TDRD6: variants seen among roughly 807,000 people sequenced by gnomAD.
The protein encoded by TDRD6 is tudor domain containing 6, also known as tudor domain-containing protein 6.
TDRD6 carries 186 observed loss-of-function variants against 157.5 expected under a neutral mutation model. That is an observed-to-expected ratio of 1.18 (90% CI 1.05 to 1.33). TDRD6 has a LOEUF of 1.33. Among genes scored for constraint, TDRD6 ranks in the 40% most tolerant of loss-of-function variants. TDRD6 has a pLI of 0.00. For synonymous variants in TDRD6, 1,075 were observed against 945.2 expected (o/e 1.14, Z -2.52); for missense variants, 3,066 against 2,508.0 (o/e 1.22, Z -4.75).
intron 2 of TDRD6, among the ~76,000 whole-genome samples, chr6:46,696,378 A>G (rs1352558285): frequency 6.7e-6 from 1 of 149,956 alleles, no homozygotes; most frequent in Non-Finnish European, 1.5e-5. Context: ...TTATTGTGTA[A>G]AACTTATTAG....
chr6:46,691,913 C>A lies in TDRD6; in HGVS notation c.3785C>A (p.Ser1262Tyr). Reference sequence around the variant, plus strand: ...ACAACAGAAAAGAAAGAAGAAATTTCTGCTGAGACACCCTTGAAAACAGCA... The same window carrying A: ...ACAACAGAAAAGAAAGAAGAAATTTATGCTGAGACACCCTTGAAAACAGCA... ...PLTTEKKEEI[S>Y]AETPLKTARV... Residue 1262 changes from serine to tyrosine, a missense_variant, in exon 1 of 4, where the codon TCT becomes TAT. Ser to Tyr is a moderately radical substitution (Grantham distance 144). Coordinates refer to ENST00000316081, the MANE Select transcript of TDRD6 (RefSeq NM_001010870.3). 6.3e-7 allele frequency: 1 copy of A among 1,595,186 alleles called. No individual in the cohort carries two copies. Among genetic ancestry groups the A allele is most frequent in the South Asian group, 1.1e-5 (1 of 87,256 alleles).
chr6:46,684,827 G>T (rs1582533709), upstream of TDRD6, among the ~76,000 whole-genome samples: 1 of 152,100 alleles, frequency 6.6e-6, no homozygotes, highest in South Asian at 2.1e-4. Flanking sequence ...CTTTCTTTGG[G>T]ATAAATGCCT....
At position 46,692,065 on chromosome 6, in the gene TDRD6, C is replaced by G. The variant is rs777446297; in HGVS notation, c.3937C>G (p.His1313Asp). 3 of 1,612,574 alleles carry G rather than the reference C, an allele frequency of 1.9e-6. No individual in the cohort carries two copies. In the Admixed American group the frequency reaches 5.0e-5, roughly 27 times the overall value. Reference sequence around the variant, plus strand: ...ATTTAAAACAACTGTATATGTTTCTCATATAAATGACCTTTCAGACTTTTA... The same window carrying G: ...ATTTAAAACAACTGTATATGTTTCTGATATAAATGACCTTTCAGACTTTTA... ...PGFKTTVYVS[H>D]INDLSDFYVQ... The change falls in exon 1 of 4, where the codon CAT (histidine) becomes GAT (aspartate). Residue 1313 changes from histidine (H) to aspartate (D), a missense_variant. Transcript: ENST00000316081.
chr6:46,696,492 A>G (rs12176055), intron 2 of TDRD6, among the ~76,000 whole-genome samples: 1 of 126,964 alleles, frequency 7.9e-6, no homozygotes, highest in African/African-American at 3.0e-5. Flanking sequence ...ATATATATAT[A>G]TGTATATGTA....
rs764267341 is a variant in TDRD6, at chr6:46,693,424, A to G, written c.5296A>G (p.Ser1766Gly). The G allele has an allele frequency of 3.1e-6, 5 of 1,614,000 alleles. No individual in the cohort carries two copies. Among genetic ancestry groups the G allele is most frequent in the Non-Finnish European group, 4.2e-6 (5 of 1,180,024 alleles). ...KDVNIIGTKP[S>G]NFRDPKTDNI... ...TGTAAACATTATTGGAACCAAACCA[A>G]GTAACTTCCGTGACCCTAAAACTGA... is the stretch of plus-strand genomic sequence containing the variant. The change falls in exon 1 of 4, where the codon AGT becomes GGT. Residue 1766 changes from serine to glycine, a missense_variant. By Grantham distance (56) the Ser-to-Gly change is moderately conservative (BLOSUM62 0). Coordinates refer to ENST00000316081, the MANE Select transcript of TDRD6 (RefSeq NM_001010870.3).
rs915113482 is a variant in TDRD6 at position 46,688,053 on chromosome 6, G to A, written c.-76G>A. 9 of 1,397,070 alleles carry A rather than the reference G, an allele frequency of 6.4e-6. No homozygotes were observed. The highest frequency in any genetic ancestry group is 8.3e-6 in the Non-Finnish European group (9 of 1,083,994). The allele number at this position is 1,397,070 out of a possible 1,614,324, so 86.5% of individuals were successfully genotyped here. A position where few individuals can be genotyped will look rare whatever the true frequency, so the allele number is the denominator to read the frequency against. ...CTAGTTTGGCTGGGACTCGCCTTCA[G>A]GCGGCGCGGAGGATTTCGAGGCCCT... On this transcript the variant is annotated 5_prime_UTR_variant, in exon 1 of 4. Coordinates refer to ENST00000316081, the MANE Select transcript of TDRD6 (RefSeq NM_001010870.3).
At position 46,688,312 on chromosome 6, in the gene TDRD6, C is replaced by G; in HGVS notation, c.184C>G (p.Leu62Val). The G allele has an allele frequency of 6.6e-7, 1 of 1,515,534 alleles. No individual in the cohort carries two copies. Among genetic ancestry groups the G allele is most frequent in the Non-Finnish European group, 8.8e-7 (1 of 1,137,782 alleles). The allele number at this position is 1,515,534 out of a possible 1,614,324, so 93.9% of individuals were successfully genotyped here. A position where few individuals can be genotyped will look rare whatever the true frequency, so the allele number is the denominator to read the frequency against. Residue 62 changes from leucine (L) to valine (V), a missense_variant, in exon 1 of 4, where the codon CTG (leucine) becomes GTG (valine). Transcript: ENST00000316081. ...GGCGGCCACGCGCGGCCAGTGGGCG[C>G]TGGGCAGCGCCTCGGCCTCGCCCGG... ...EAAATRGQWA[L>V]GSASASPGEL...
chr6:46,690,637 CTTA>C lies in TDRD6; in HGVS notation c.2513_2515del (p.Ile838del). ...AGTAAACAGACAGTGGTCCAGAGCA[CTTA>C]TTAGTGGGATACAGTCTGTGGAGCA... is the stretch of plus-strand genomic sequence containing the variant. On this transcript the variant is annotated inframe_deletion, in exon 1 of 4. Coordinates refer to ENST00000316081, the MANE Select transcript of TDRD6 (RefSeq NM_001010870.3). 6.2e-7 allele frequency: 1 copy of C among 1,614,140 alleles called. No homozygotes were observed. Among genetic ancestry groups the C allele is most frequent in the Non-Finnish European group, 8.5e-7 (1 of 1,180,026 alleles).
At position 46,688,665 on chromosome 6, in the gene TDRD6, G is replaced by C. The variant is rs1308117520; in HGVS notation, c.537G>C (p.Leu179=). The C allele has an allele frequency of 6.3e-7, 1 of 1,599,822 alleles. No homozygotes were observed. Among genetic ancestry groups the C allele is most frequent in the South Asian group, 1.1e-5 (1 of 91,078 alleles). Residue 179 remains leucine (L), a synonymous_variant, in exon 1 of 4, where the codon CTG becomes CTC. Transcript: ENST00000316081. ...CVLDVLLLHR[L]VLLEVPDVFQ... ...TGGACGTGCTGCTGCTCCATCGCCT[G>C]GTCCTCCTGGAGGTGCCTGATGTGT...
At position 46,691,907 on chromosome 6, in the gene TDRD6, A is replaced by G. The variant is rs1420811295; in HGVS notation, c.3779A>G (p.Glu1260Gly). The part of the protein sequence containing the change: ...VFPLTTEKKE[E>G]ISAETPLKTA... ...CCATTAACAACAGAAAAGAAAGAAGAAATTTCTGCTGAGACACCCTTGAAA... is the reference window on the plus strand; with the variant it reads ...CCATTAACAACAGAAAAGAAAGAAGGAATTTCTGCTGAGACACCCTTGAAA... The change falls in exon 1 of 4, where the codon GAA becomes GGA. Residue 1260 changes from glutamate (E) to glycine (G), a missense_variant. Coordinates refer to ENST00000316081, the MANE Select transcript of TDRD6 (RefSeq NM_001010870.3). 1 of 1,594,970 alleles carries G rather than the reference A, an allele frequency of 6.3e-7. No individual in the cohort carries two copies. The highest frequency in any genetic ancestry group is 8.5e-7 in the Non-Finnish European group (1 of 1,174,864).
upstream of TDRD6, among the ~76,000 whole-genome samples, chr6:46,684,108 T>G (rs1237043771): frequency 6.6e-6 from 1 of 152,164 alleles, no homozygotes; most frequent in African/African-American, 2.4e-5. Flanking sequence ...GACTATGCTC[T>G]CTCTACTCTC....
chr6:46,688,994 G>T lies in TDRD6; in HGVS notation c.866G>T (p.Gly289Val), dbSNP rs752265968. ...LSESMAQVYR[G>V]STGTGDENST... Reference sequence around the variant, plus strand: ...GAGAGCATGGCCCAGGTATACCGGGGTTCCACGGGGACAGGGGATGAGAAC... The same window carrying T: ...GAGAGCATGGCCCAGGTATACCGGGTTTCCACGGGGACAGGGGATGAGAAC... Residue 289 changes from glycine to valine, a missense_variant, in exon 1 of 4, where the codon GGT becomes GTT. Transcript: ENST00000316081. 1.9e-6 allele frequency: 3 copies of T among 1,613,682 alleles called. No individual in the cohort carries two copies. In the Admixed American group the frequency reaches 5.0e-5, roughly 27 times the overall value.
chr6:46,687,864 G>A (rs983961909), upstream of TDRD6: 4 of 440,120 alleles, frequency 9.1e-6, no homozygotes, highest in East Asian at 4.4e-5. Context: ...CGGAAGTGGC[G>A]GCGCCGAGTG....
At position 46,690,809 on chromosome 6, in the gene TDRD6, A is replaced by T; in HGVS notation, c.2681A>T (p.Asn894Ile). Residue 894 changes from asparagine to isoleucine, a missense_variant, in exon 1 of 4, where the codon AAT (asparagine) becomes ATT (isoleucine). Transcript: ENST00000316081. ...AATTTAATTCAACCAGTTGGCCAGA[A>T]TCCCTTTGTTTGGGATGTAAAGGCA... ...LYNLIQPVGQ[N>I]PFVWDVKAIQ... 6.2e-7 allele frequency: 1 copy of T among 1,614,078 alleles called. No homozygotes were observed. The highest frequency in any genetic ancestry group is 8.5e-7 in the Non-Finnish European group (1 of 1,180,004).
Position 46,688,101 on chromosome 6 carries a change from G to A in TDRD6, c.-28G>A. ...CCTGAGGCGCGGCCCTTAATTTCCG[G>A]AAGTGGGGGCCGCGCCGCGCCGTCA... On this transcript the variant is annotated 5_prime_UTR_variant, in exon 1 of 4. Coordinates refer to ENST00000316081, the MANE Select transcript of TDRD6 (RefSeq NM_001010870.3). 6.9e-7 allele frequency: 1 copy of A among 1,453,682 alleles called. No homozygotes were observed. Among genetic ancestry groups the A allele is most frequent in the South Asian group, 1.4e-5 (1 of 73,076 alleles). The allele number at this position is 1,453,682 out of a possible 1,614,324, so 90.0% of individuals were successfully genotyped here.
chr6:46,693,103 A>G lies in TDRD6; in HGVS notation c.4975A>G (p.Thr1659Ala). The G allele has an allele frequency of 6.2e-7, 1 of 1,613,782 alleles. No homozygotes were observed. Among genetic ancestry groups the G allele is most frequent in the Non-Finnish European group, 8.5e-7 (1 of 1,179,902 alleles). ...AAATGACTATTTCTATGAAATAATA[A>G]CAGAAGATGTGTTGGAAATAACAAT... ...EGNDYFYEII[T>A]EDVLEITILE... The change falls in exon 1 of 4, where the codon ACA becomes GCA. Residue 1659 changes from threonine (T) to alanine (A), a missense_variant. Physicochemically the swap from Thr to Ala is moderately conservative, Grantham distance 58. Coordinates refer to ENST00000316081, the MANE Select transcript of TDRD6 (RefSeq NM_001010870.3).
chr6:46,685,944 G>A (rs1454902394), upstream of TDRD6, among the ~76,000 whole-genome samples: 1 of 152,034 alleles, frequency 6.6e-6, no homozygotes, highest in Non-Finnish European at 1.5e-5. Flanking sequence ...AAATTAACCC[G>A]AGTCCCTGTC....
At chr6:46,685,911 AC>A (rs1305037020), upstream of TDRD6, among the ~76,000 whole-genome samples, 2 of 152,184 alleles carry the variant, frequency 1.3e-5, no homozygotes, top group African/African-American at 2.4e-5. Flanking sequence ...CTTAATCTTA[AC>A]AGTGCAATGA....
Position 46,688,637 on chromosome 6 carries a change from T to A in TDRD6, c.509T>A (p.Val170Asp), listed in dbSNP as rs780406675. 1 of 1,599,124 alleles carries A rather than the reference T, an allele frequency of 6.3e-7. No individual in the cohort carries two copies. The highest frequency in any genetic ancestry group is 8.5e-7 in the Non-Finnish European group (1 of 1,179,858). The change falls in exon 1 of 4, where the codon GTC becomes GAC. Residue 170 changes from valine to aspartate, a missense_variant. By Grantham distance (152) the Val-to-Asp change is radical (BLOSUM62 -3). Transcript: ENST00000316081. The part of the protein sequence containing the change: ...NLQGKEVHGC[V>D]LDVLLLHRLV... ...CAGGGCAAGGAGGTGCACGGGTGCG[T>A]CCTGGACGTGCTGCTGCTCCATCGC...
Sources: allele counts gnomAD v4.1 joint callset (sites outside exome capture counted in the v4.1 genomes callset), GRCh38; gene constraint gnomAD v4.1.1; transcripts MANE v1.5; gene names NCBI Gene and HGNC (gene_info 2026-07-23, HGNC 2026-07-21).